GABRB3: variants seen among roughly 807,000 people sequenced by gnomAD.
The protein encoded by GABRB3 is gamma-aminobutyric acid receptor subunit beta-3.
A neutral mutation model predicts 52.1 loss-of-function variants in GABRB3; 14 were observed. The observed-to-expected ratio is 0.27, with a 90% CI of 0.18 to 0.42. The LOEUF (loss-of-function observed/expected upper bound fraction) is 0.42. Among genes scored for constraint, GABRB3 ranks in the 10% least tolerant of loss-of-function variants. GABRB3 has a pLI of 1.00. For missense variants in GABRB3, 307 were observed against 609.1 expected, an observed-to-expected ratio of 0.50 and a Z score of 5.22; for synonymous variants, 260 against 232.3, an observed-to-expected ratio of 1.12 and a Z score of -1.08.
In GABRB3 at chr15:26,567,634, G is replaced by A; in HGVS notation, c.782C>T (p.Ser261Leu). Reference sequence around the variant, plus strand: ...ATAATTGATCCAGAAGGACACCCACGACAGAATCGTTATCAGTATAGAGGG... The same window carrying A: ...ATAATTGATCCAGAAGGACACCCACAACAGAATCGTTATCAGTATAGAGGG... ...YMPSILITIL[S>L]WVSFWINYDA... Residue 261 changes from serine to leucine, a missense_variant, in exon 7 of 9, where the codon TCG becomes TTG. By Grantham distance (145) the Ser-to-Leu change is moderately radical. Around this residue, in one of 6 missense-constraint regions of GABRB3, gnomAD observed 32 missense variants for 147.8 expected, o/e 0.22. Coordinates refer to ENST00000311550, the MANE Select transcript of GABRB3 (RefSeq NM_000814.6). The A allele has an allele frequency of 6.2e-7, 1 of 1,613,994 alleles. No homozygotes were observed. Among genetic ancestry groups the A allele is most frequent in the Non-Finnish European group, 8.5e-7 (1 of 1,179,974 alleles).
chr15:26,770,815 GTATTA>G (rs1176863639), intron 3 of GABRB3, among the ~76,000 whole-genome samples: 2 of 152,152 alleles, frequency 1.3e-5, no homozygotes, highest in Non-Finnish European at 2.9e-5. Context: ...GATCTTAAAT[GTATTA>G]ACTTGTTTCC....
intron 3 of GABRB3, among the ~76,000 whole-genome samples, chr15:26,761,438 T>C (rs1039446440): frequency 9.9e-5 from 15 of 152,076 alleles, no homozygotes; most frequent in African/African-American, 3.4e-4. Context: ...ATTTTAGGGA[T>C]GACTTCCTCC....
At position 26,600,862 on chromosome 15, in the gene GABRB3, TG is replaced by T. The variant is rs1325098319; in HGVS notation, c.462-17449del. 2.0e-5 allele frequency among the ~76,000 whole-genome samples: 3 copies of T among 152,208 alleles called. No homozygotes were observed. The East Asian group carries it at 5.8e-4, about 29-fold the overall frequency. On this transcript the variant is annotated intron_variant, in intron 4 of 8. Coordinates refer to ENST00000311550, the MANE Select transcript of GABRB3 (RefSeq NM_000814.6). ...AGGTTAGTAATGATGATGTGTAAGA[TG>T]TTATCTCTAGTATGAGGGTTAAATA...
chr15:26,674,400 C>CAAAAAAAAAAAAAAAAAAAAAAAA (rs55723767), intron 3 of GABRB3, among the ~76,000 whole-genome samples: 1 of 86,788 alleles, frequency 1.2e-5, no homozygotes, highest in African/African-American at 4.8e-5. Context: ...GACTCAGTTT[C>CAAAAAAAAAAAAAAAAAAAAAAAA]AAAAAAAAAA....
intron 3 of GABRB3, among the ~76,000 whole-genome samples, chr15:26,762,885 G>A (rs1429535557): frequency 6.6e-6 from 1 of 152,154 alleles, no homozygotes; most frequent in East Asian, 1.9e-4. Flanking sequence ...AGGGAATTTT[G>A]GTGCCCAGGG....
intron 3 of GABRB3, among the ~76,000 whole-genome samples, chr15:26,713,900 T>C (rs989880436): frequency 1.8e-4 from 27 of 152,128 alleles, no homozygotes; most frequent in African/African-American, 6.5e-4. Context: ...GAACCAGGGA[T>C]CAGAGACGGC....
Position 26,628,673 on chromosome 15 carries a change from C to CAA in GABRB3, c.241-7141_241-7140dup, listed in dbSNP as rs71420014. Reference sequence around the variant, plus strand: ...AACTGACCCTACACAGCTATTTTCGCAAAAAAAACAAAAAAACAAAAAAAC... The same window carrying CAA: ...AACTGACCCTACACAGCTATTTTCGCAAAAAAAAAACAAAAAAACAAAAAAAC... On this transcript the variant is annotated intron_variant, in intron 3 of 8. Transcript: ENST00000311550. Among the ~76,000 whole-genome samples the CAA allele has an allele frequency of 0.15, 22,026 of 149,134 alleles. 1,641 individuals carry two copies. The highest frequency in any genetic ancestry group is 0.2 in the African/African-American group (8,172 of 40,624).
intron 3 of GABRB3, among the ~76,000 whole-genome samples, chr15:26,732,855 G>A (rs559052542): frequency 8.6e-5 from 13 of 151,962 alleles, no homozygotes; most frequent in South Asian, 2.1e-4. Context: ...TTAATTAGCC[G>A]GGAGTGGTGG....
chr15:26,695,773 C>T (rs958690355), intron 3 of GABRB3, among the ~76,000 whole-genome samples: 4 of 152,144 alleles, frequency 2.6e-5, no homozygotes, highest in African/African-American at 9.7e-5. Context: ...TTGGTGACTA[C>T]AGCTTCTGGA....
At chr15:26,665,087 T>C (rs1181447987) in intron 3 of GABRB3, among the ~76,000 whole-genome samples, 2 of 152,200 alleles carry the variant, frequency 1.3e-5, no homozygotes, top group Non-Finnish European at 2.9e-5. Flanking sequence ...TATAACATTT[T>C]ATATTTTAGC....
chr15:26,754,642 T>C (rs545184735), intron 3 of GABRB3, among the ~76,000 whole-genome samples: 5 of 152,226 alleles, frequency 3.3e-5, no homozygotes, highest in African/African-American at 1.2e-4. Context: ...TGGAAAACAG[T>C]CTCCGAAAAT....
At chr15:26,591,624 T>G (rs986943977) in intron 4 of GABRB3, among the ~76,000 whole-genome samples, 1 of 152,156 alleles carries the variant, frequency 6.6e-6, no homozygotes, top group Non-Finnish European at 1.5e-5. Context: ...GAGGGTGGAA[T>G]GAGAAGTTCT....
At position 26,560,954 on chromosome 15, in the gene GABRB3, C is replaced by T. The variant is rs200057173; in HGVS notation, c.1058G>A (p.Arg353His). 69 of 1,613,854 alleles carry T rather than the reference C, an allele frequency of 4.3e-5. 1 individual carries two copies. Among genetic ancestry groups the T allele is most frequent in the African/African-American group, 3.3e-4 (25 of 74,914 alleles). The change falls in exon 8 of 9, where the codon CGT becomes CAT. Residue 353 changes from arginine to histidine, a missense_variant. Arg to His is a conservative substitution (Grantham distance 29). This residue lies in a region of GABRB3 where 115 missense variants were observed against 166.9 expected (regional missense o/e 0.69). Transcript: ENST00000311550. ...AEKTAKAKND[R>H]SKSESNRVDA... The stretch of plus-strand genomic sequence containing the variant: ...TACCCGGTTGCTTTCGCTCTTTGAA[C>T]GGTCATTCTTTGCCTTGGCTGTCTT...
rs569081309 is a variant in GABRB3 at position 26,699,766 on chromosome 15, C to A, written c.240+72636G>T. On this transcript the variant is annotated intron_variant, in intron 3 of 8. Transcript: ENST00000311550. ...CTCAAAATAAAATACAGAGAGCAAACAAAAGAAAAAATAAAAGAGCGTAAG... is the reference window on the plus strand; with the variant it reads ...CTCAAAATAAAATACAGAGAGCAAAAAAAAGAAAAAATAAAAGAGCGTAAG... 2.7e-3 allele frequency among the ~76,000 whole-genome samples: 408 copies of A among 150,560 alleles called. 3 individuals are homozygous for A. Among genetic ancestry groups the A allele is most frequent in the African/African-American group, 9.6e-3 (394 of 40,898 alleles).
chr15:26,720,055 C>T (rs888974537), intron 3 of GABRB3, among the ~76,000 whole-genome samples: 2 of 152,154 alleles, frequency 1.3e-5, no homozygotes, highest in South Asian at 4.1e-4. Flanking sequence ...CCGGTCGTTG[C>T]CTTAACTGAT....
chr15:26,722,645 C>T (rs574950505), intron 3 of GABRB3, among the ~76,000 whole-genome samples: 1 of 152,330 alleles, frequency 6.6e-6, no homozygotes, highest in African/African-American at 2.4e-5. Flanking sequence ...CTTGGCAACA[C>T]TTTTGACTTT....
intron 3 of GABRB3, among the ~76,000 whole-genome samples, chr15:26,712,581 T>C (rs1002346458): frequency 2.0e-5 from 3 of 152,130 alleles, no homozygotes; most frequent in Non-Finnish European, 2.9e-5. Flanking sequence ...CAGAATCCTA[T>C]TGTGGACATT....
At chr15:26,647,449 T>C (rs985921302) in intron 3 of GABRB3, among the ~76,000 whole-genome samples, 1 of 152,132 alleles carries the variant, frequency 6.6e-6, no homozygotes, top group African/African-American at 2.4e-5. Flanking sequence ...GAAGATTTAG[T>C]ACTAAGGTTT....
At chr15:26,628,339 C>G (rs1486621189) in intron 3 of GABRB3, among the ~76,000 whole-genome samples, 3 of 152,194 alleles carry the variant, frequency 2.0e-5, no homozygotes, top group Non-Finnish European at 4.4e-5. Context: ...TGCTAGGCAA[C>G]TTGGGGGAGG....
Sources: allele counts gnomAD v4.1 joint callset (sites outside exome capture counted in the v4.1 genomes callset), GRCh38; gene constraint gnomAD v4.1.1; regional missense constraint gnomAD v4.1.1; transcripts MANE v1.5; gene names NCBI Gene and HGNC (gene_info 2026-07-23, HGNC 2026-07-21).